Variants in PDE4D observed in about 807,000 individuals in gnomAD.
PDE4D encodes the protein 3',5'-cyclic-AMP phosphodiesterase 4D.
A neutral mutation model predicts 87.4 loss-of-function variants in PDE4D; 24 were observed. That is an observed-to-expected ratio of 0.27 (90% CI 0.20 to 0.39). PDE4D has a LOEUF of 0.39. Ranked by LOEUF, PDE4D falls within the 10% of genes least tolerant of loss-of-function variation. PDE4D has a pLI of 1.00. For synonymous variants in PDE4D, 384 were observed against 383.2 expected, an observed-to-expected ratio of 1.00 and a Z score of -0.02; for missense variants, 714 against 1,041.0, an observed-to-expected ratio of 0.69 and a Z score of 4.32.
intron 1 of PDE4D, among the ~76,000 whole-genome samples, chr5:60,478,522 A>G (rs1256880446): frequency 6.6e-6 from 1 of 152,208 alleles, no homozygotes; most frequent in East Asian, 1.9e-4. Flanking sequence ...TCTTTAAAAC[A>G]TTAACTACCT....
chr5:59,389,629 T>C (rs538812971), intron 1 of PDE4D, among the ~76,000 whole-genome samples: 1 of 152,212 alleles, frequency 6.6e-6, no homozygotes, highest in Admixed American at 6.5e-5. Flanking sequence ...ATCAGTATAT[T>C]AAAAGTACAC....
intron 1 of PDE4D, among the ~76,000 whole-genome samples, chr5:59,243,904 G>C (rs1334984922): frequency 6.6e-6 from 1 of 152,022 alleles, no homozygotes; most frequent in Non-Finnish European, 1.5e-5. Flanking sequence ...CAGAGATACA[G>C]ATTAACATTT....
intron 5 of PDE4D, among the ~76,000 whole-genome samples, chr5:59,171,649 C>A (rs1782777662): frequency 6.6e-6 from 1 of 151,464 alleles, no homozygotes; most frequent in African/African-American, 2.4e-5. Flanking sequence ...ATACCTTATT[C>A]TTGCTGGTCT....
At chr5:59,479,089 T>C (rs1803803192) in intron 1 of PDE4D, among the ~76,000 whole-genome samples, 1 of 150,968 alleles carries the variant, frequency 6.6e-6, no homozygotes, top group African/African-American at 2.5e-5. Flanking sequence ...AAGTATTCAG[T>C]GCACAAGGCA....
chr5:60,216,244 T>C (rs765331512), intron 1 of PDE4D, among the ~76,000 whole-genome samples: 3 of 152,134 alleles, frequency 2.0e-5, no homozygotes, highest in Non-Finnish European at 4.4e-5. Context: ...TCTATTTTGC[T>C]TAGGCCTGCA....
chr5:59,669,139 AG>A (rs1275168026), intron 1 of PDE4D, among the ~76,000 whole-genome samples: 1 of 152,132 alleles, frequency 6.6e-6, no homozygotes, highest in East Asian at 1.9e-4. Context: ...CTTGTTGCTC[AG>A]GCTGGAGTGC....
intron 1 of PDE4D, among the ~76,000 whole-genome samples, chr5:59,728,770 G>A (rs1279219838): frequency 6.6e-6 from 1 of 152,042 alleles, no homozygotes; most frequent in African/African-American, 2.4e-5. Flanking sequence ...AATGATTTGT[G>A]TTTAATTTGT....
chr5:59,837,627 T>G (rs1394736882), intron 1 of PDE4D, among the ~76,000 whole-genome samples: 1 of 152,092 alleles, frequency 6.6e-6, no homozygotes, highest in Non-Finnish European at 1.5e-5. Flanking sequence ...TTATTTGCTT[T>G]CAATCAACAC....
chr5:60,278,935 G>A (rs12656804), intron 1 of PDE4D, among the ~76,000 whole-genome samples: 15,035 of 152,154 alleles, frequency 0.099, 1,027 homozygotes, highest in South Asian at 0.29. Context: ...TTCATTTTGA[G>A]ATCTAGTTCT....
At chr5:60,262,260 G>C (rs532403020) in intron 1 of PDE4D, 144 of 152,244 alleles carry the variant, frequency 9.5e-4, no homozygotes, top group African/African-American at 3.3e-3. Flanking sequence ...TGCTTGGTCT[G>C]ATAACTAATT....
intron 1 of PDE4D, among the ~76,000 whole-genome samples, chr5:59,731,738 T>A (rs892043118): frequency 6.6e-6 from 1 of 152,160 alleles, no homozygotes; most frequent in Non-Finnish European, 1.5e-5. Context: ...TTTGTTGGAG[T>A]TAATGTTTCC....
upstream of PDE4D, among the ~76,000 whole-genome samples, chr5:59,896,453 A>C (rs1172268724): frequency 6.6e-6 from 1 of 152,170 alleles, no homozygotes; most frequent in African/African-American, 2.4e-5. Flanking sequence ...AATCCAGCAC[A>C]CAAAGACCCA....
chr5:59,733,491 A>C (rs939310209), intron 1 of PDE4D, among the ~76,000 whole-genome samples: 2 of 152,086 alleles, frequency 1.3e-5, no homozygotes, highest in Admixed American at 6.6e-5. Flanking sequence ...TTATAATCTA[A>C]CAAAAGAGAA....
intron 1 of PDE4D, among the ~76,000 whole-genome samples, chr5:59,658,082 C>G (rs748927138): frequency 6.6e-6 from 1 of 151,868 alleles, no homozygotes; most frequent in East Asian, 1.9e-4. Context: ...GCTTAATAAA[C>G]GCATATTAAG....
intron 1 of PDE4D, among the ~76,000 whole-genome samples, chr5:59,832,416 T>A (rs1313110886): frequency 6.6e-6 from 1 of 152,082 alleles, no homozygotes; most frequent in Non-Finnish European, 1.5e-5. Flanking sequence ...ATGCTCTTTT[T>A]TGAAAGCTAT....
intron 1 of PDE4D, among the ~76,000 whole-genome samples, chr5:59,406,263 T>C (rs1218100923): frequency 6.6e-6 from 1 of 152,198 alleles, no homozygotes; most frequent in Admixed American, 6.5e-5. Context: ...AGGTTGTATT[T>C]GTCTAGGAAT....
At chr5:59,055,237 C>T (rs1762163269) in intron 5 of PDE4D, among the ~76,000 whole-genome samples, 1 of 152,104 alleles carries the variant, frequency 6.6e-6, no homozygotes, top group South Asian at 2.1e-4. Flanking sequence ...CCGTTTGGCC[C>T]TCATTTTCCT....
intron 1 of PDE4D, among the ~76,000 whole-genome samples, chr5:59,407,380 A>G (rs1208468440): frequency 6.6e-6 from 1 of 152,158 alleles, no homozygotes; most frequent in Non-Finnish European, 1.5e-5. Flanking sequence ...CAAGCCAGTT[A>G]ATTTTCTATT....
chr5:59,345,499 C>T (rs528665979), intron 1 of PDE4D, among the ~76,000 whole-genome samples: 253 of 152,218 alleles, frequency 1.7e-3, no homozygotes, highest in Non-Finnish European at 3.0e-3. Flanking sequence ...CATATCAGAT[C>T]GTTTCTTATT....
Sources: allele counts gnomAD v4.1 joint callset (sites outside exome capture counted in the v4.1 genomes callset), GRCh38; gene constraint gnomAD v4.1.1; transcripts MANE v1.5; gene names NCBI Gene and HGNC (gene_info 2026-07-23, HGNC 2026-07-21).